DOCK2: variants seen among roughly 807,000 people sequenced by gnomAD.
The protein encoded by DOCK2 is dedicator of cytokinesis 2, also known as dedicator of cytokinesis protein 2.
A neutral mutation model predicts 248.9 loss-of-function variants in DOCK2; 87 were observed. The observed-to-expected ratio is 0.35, with a 90% CI of 0.29 to 0.42. DOCK2 has a LOEUF of 0.42. DOCK2 is among the 10% of genes least tolerant of loss of function. The probability of loss-of-function intolerance (pLI) is 1.00; values close to 1 mark genes in which losing one functional copy is unlikely to be tolerated. For synonymous variants in DOCK2, 805 were observed against 821.6 expected, an observed-to-expected ratio of 0.98 and a Z score of 0.35; for missense variants, 1,747 against 2,300.2, an observed-to-expected ratio of 0.76 and a Z score of 4.92.
intron 27 of DOCK2, among the ~76,000 whole-genome samples, chr5:169,909,535 T>C (rs1477784228): frequency 6.6e-6 from 1 of 152,248 alleles, no homozygotes; most frequent in African/African-American, 2.4e-5. Flanking sequence ...CTTATCTTTA[T>C]GTCAGTCCTG....
At chr5:169,747,643 C>A in intron 23 of DOCK2, 139 bp downstream of exon 23, 3 of 633,414 alleles carry the variant, frequency 4.7e-6, no homozygotes, top group Non-Finnish European at 7.8e-6. Flanking sequence ...GGTTAAAGAC[C>A]AAGGGCTCCT....
At chr5:169,883,817 G>A in intron 27 of DOCK2, 2 of 1,550,044 alleles carry the variant, frequency 1.3e-6, no homozygotes, top group Admixed American at 3.9e-5. Flanking sequence ...CTGCGGTGGT[G>A]AGGTTGTTTC....
intron 27 of DOCK2, among the ~76,000 whole-genome samples, chr5:169,907,477 C>T (rs1774348642): frequency 6.6e-6 from 1 of 152,168 alleles, no homozygotes. Flanking sequence ...TTGCTTGGAA[C>T]ATTTTAGAAA....
chr5:170,069,271 A>C, intron 46 of DOCK2, 51 bp downstream of exon 46: 2 of 1,583,520 alleles, frequency 1.3e-6, no homozygotes, highest in Non-Finnish European at 1.7e-6. Flanking sequence ...CTCTCCCCCC[A>C]CCGTGGTTCA....
intron 26 of DOCK2, among the ~76,000 whole-genome samples, chr5:169,811,311 A>G (rs1264597732): frequency 6.6e-6 from 1 of 152,196 alleles, no homozygotes; most frequent in Non-Finnish European, 1.5e-5. Context: ...GGTGGAAGGG[A>G]GGCTGCCACT....
rs1010617104 is a variant in DOCK2 at position 170,077,808 on chromosome 5, C to T, written c.4965C>T (p.Cys1655=). ...IISLASMNSD[C]STPSKPTSES... is the part of the protein sequence containing the mutation. ...CTCTGGCTTCCATGAATTCTGACTG[C>T]AGCACCCCCAGCAAGCCTACCTCAG... Residue 1655 remains cysteine, a synonymous_variant, in exon 48 of 52, where the codon TGC becomes TGT. Coordinates refer to ENST00000520908, the MANE Select transcript of DOCK2 (RefSeq NM_004946.3). 3.1e-6 allele frequency: 5 copies of T among 1,613,612 alleles called. No homozygotes were observed. The highest frequency in any genetic ancestry group is 1.1e-5 in the South Asian group (1 of 91,078).
At chr5:169,901,249 A>C (rs1773907808) in intron 27 of DOCK2, among the ~76,000 whole-genome samples, 1 of 152,144 alleles carries the variant, frequency 6.6e-6, no homozygotes, top group Admixed American at 6.5e-5. Context: ...CAAGAAAGGT[A>C]TTTGGCCTTT....
chr5:169,645,513 A>G (rs537721095), intron 1 of DOCK2, among the ~76,000 whole-genome samples: 2 of 152,220 alleles, frequency 1.3e-5, no homozygotes, highest in East Asian at 1.9e-4. Context: ...TAGATTCTGG[A>G]TATTAGCCCT....
At chr5:169,925,885 C>A (rs1342255028) in intron 27 of DOCK2, among the ~76,000 whole-genome samples, 1 of 152,152 alleles carries the variant, frequency 6.6e-6, no homozygotes, top group African/African-American at 2.4e-5. Context: ...TGTTCCCTGG[C>A]AGCTGGGCCT....
intron 27 of DOCK2, among the ~76,000 whole-genome samples, chr5:169,848,340 A>G (rs1236331956): frequency 1.3e-5 from 2 of 152,214 alleles, no homozygotes; most frequent in African/African-American, 4.8e-5. Flanking sequence ...CAGGATGTGA[A>G]CCAGGGACAC....
At chr5:169,947,004 C>T (rs865818501) in intron 27 of DOCK2, among the ~76,000 whole-genome samples, 3 of 152,168 alleles carry the variant, frequency 2.0e-5, no homozygotes, top group Non-Finnish European at 4.4e-5. Flanking sequence ...GAGAGGAGCG[C>T]TGAGTATACC....
intron 1 of DOCK2, among the ~76,000 whole-genome samples, chr5:169,653,492 A>G (rs1419097423): frequency 6.6e-6 from 1 of 152,200 alleles, no homozygotes; most frequent in Non-Finnish European, 1.5e-5. Flanking sequence ...CAGCAGGGCC[A>G]AGGGCGTCAT....
Position 169,700,025 on chromosome 5 carries a change from A to G in DOCK2, c.1144A>G (p.Thr382Ala). ...CTGTTCCTTTGCAGGCCTCTGGGTG[A>G]CCATGAAGATGCTGGTGGGTGACAT... is the stretch of plus-strand genomic sequence containing the variant. ...GDSGGQGLWV[T>A]MKMLVGDIIQ... Residue 382 changes from threonine to alanine, a missense_variant, in exon 13 of 52, where the codon ACC becomes GCC. Thr to Ala is a moderately conservative substitution (Grantham distance 58). Transcript: ENST00000520908. 6.2e-7 allele frequency: 1 copy of G among 1,613,816 alleles called. No homozygotes were observed. The highest frequency in any genetic ancestry group is 8.5e-7 in the Non-Finnish European group (1 of 1,179,784).
intron 27 of DOCK2, among the ~76,000 whole-genome samples, chr5:169,968,082 G>A (rs1746102219): frequency 6.6e-6 from 1 of 152,166 alleles, no homozygotes; most frequent in South Asian, 2.1e-4. Context: ...GAAGCTTCAA[G>A]GAGAGAAAAC....
chr5:169,967,562 G>T (rs1055886223), intron 27 of DOCK2, among the ~76,000 whole-genome samples: 3 of 152,166 alleles, frequency 2.0e-5, no homozygotes, highest in Admixed American at 2.0e-4. Context: ...GCAGGGAACC[G>T]AACACCATGC....
At chr5:169,960,776 A>G (rs1201341654) in intron 27 of DOCK2, among the ~76,000 whole-genome samples, 2 of 152,228 alleles carry the variant, frequency 1.3e-5, no homozygotes, top group Admixed American at 1.3e-4. Context: ...ATCCACAGAT[A>G]AATAATTCAT....
rs998909696 is a variant in DOCK2 at position 169,807,782 on chromosome 5, C to G, written c.2703+4576C>G. ...CTGGGAGGTGGAGCTTGCAGTGAGC[C>G]GAGATCATGGCACTGCAATCCAGCC... On this transcript the variant is annotated intron_variant, in intron 26 of 51. Coordinates refer to ENST00000520908, the MANE Select transcript of DOCK2 (RefSeq NM_004946.3). 2.3e-4 allele frequency among the ~76,000 whole-genome samples: 30 copies of G among 129,260 alleles called. 1 individual carries two copies. The highest frequency in any genetic ancestry group is 5.4e-3 in the Middle Eastern group (1 of 186). The allele number at this position is 129,260 out of a possible 152,430, so 84.8% of individuals were successfully genotyped here.
chr5:169,755,861 C>A (rs536831749), intron 23 of DOCK2, among the ~76,000 whole-genome samples: 12 of 152,200 alleles, frequency 7.9e-5, no homozygotes, highest in Non-Finnish European at 1.8e-4. Flanking sequence ...GGTGCTCTGC[C>A]TTCTGGGAGC....
At chr5:170,065,312 A>G (rs573178978) in intron 44 of DOCK2, among the ~76,000 whole-genome samples, 27 of 152,334 alleles carry the variant, frequency 1.8e-4, no homozygotes, top group African/African-American at 6.0e-4. Flanking sequence ...TCAAATCACA[A>G]AGGAAGAAAG....
Sources: gnomAD v4.1 joint callset for allele counts (sites outside exome capture counted in the v4.1 genomes callset) on GRCh38, gnomAD v4.1.1 for gene constraint, MANE v1.5 for transcripts, NCBI Gene and HGNC (gene_info 2026-07-23, HGNC 2026-07-21) for gene names.